The following BABAM2 variants were observed in gnomAD, a reference collection of about 807,000 sequenced individuals.
The protein encoded by BABAM2 is BRISC and BRCA1-A complex member 2.
BABAM2 carries 31 observed loss-of-function variants against 54.7 expected under a neutral mutation model. The ratio of observed to expected loss-of-function variants is 0.57; its 90% CI spans 0.43 to 0.77. BABAM2 has a LOEUF of 0.77. Ranked by LOEUF, BABAM2 falls within the 30% of genes least tolerant of loss-of-function variation. The probability of loss-of-function intolerance (pLI) is 0.00; values close to 1 mark genes in which losing one functional copy is unlikely to be tolerated. For synonymous variants in BABAM2, 167 were observed against 162.9 expected, an observed-to-expected ratio of 1.03 and a Z score of -0.19; for missense variants, 364 against 455.8, an observed-to-expected ratio of 0.80 and a Z score of 1.83.
At chr2:27,983,832 A>G (rs1672189330) in intron 3 of BABAM2, among the ~76,000 whole-genome samples, 1 of 148,750 alleles carries the variant, frequency 6.7e-6, no homozygotes, top group South Asian at 2.1e-4. Flanking sequence ...GAAGCTGTTT[A>G]TTAGTTCTCA....
chr2:27,910,468 A>G (rs1666502270), intron 2 of BABAM2, among the ~76,000 whole-genome samples: 1 of 152,226 alleles, frequency 6.6e-6, no homozygotes, highest in Admixed American at 6.5e-5. Context: ...ATAAGTAAGT[A>G]TATAATGCAT....
chr2:28,026,235 T>C (rs1379928345), intron 5 of BABAM2, among the ~76,000 whole-genome samples: 6 of 152,202 alleles, frequency 3.9e-5, no homozygotes, highest in African/African-American at 1.4e-4. Context: ...TTACTGGATA[T>C]ATACCCAAAG....
upstream of BABAM2, chr2:27,890,168 A>AC (rs1664697072): frequency 4.0e-6 from 5 of 1,236,174 alleles, no homozygotes; most frequent in Admixed American, 3.7e-5. The surrounding 1 kb of genome is among the most constrained non-coding windows in gnomAD (Gnocchi z 4.8). Flanking sequence ...ATCCCTGGAG[A>AC]CCCAGCGCCC....
At chr2:28,259,041 C>T (rs1256366219) in intron 10 of BABAM2, among the ~76,000 whole-genome samples, 4 of 119,560 alleles carry the variant, frequency 3.3e-5, no homozygotes, top group African/African-American at 9.8e-5. Flanking sequence ...TCCCAAAGTG[C>T]TAGGATTACA....
At chr2:27,943,117 G>A (rs1391365045) in intron 3 of BABAM2, among the ~76,000 whole-genome samples, 3 of 152,152 alleles carry the variant, frequency 2.0e-5, no homozygotes, top group Non-Finnish European at 2.9e-5. Context: ...AACCTTGGCC[G>A]CTAGGTCCAA....
chr2:28,086,233 G>A (rs1665626544), intron 6 of BABAM2, among the ~76,000 whole-genome samples: 1 of 152,148 alleles, frequency 6.6e-6, no homozygotes, highest in African/African-American at 2.4e-5. Flanking sequence ...ATGCTGATTT[G>A]TATATGACCC....
At chr2:27,948,094 A>G (rs904683679) in intron 3 of BABAM2, among the ~76,000 whole-genome samples, 2 of 152,004 alleles carry the variant, frequency 1.3e-5, no homozygotes, top group African/African-American at 4.8e-5. Flanking sequence ...ATTTCTCTAT[A>G]AAATTTGGAA....
chr2:28,239,361 G>C (rs1020171134), intron 8 of BABAM2, among the ~76,000 whole-genome samples: 1 of 152,172 alleles, frequency 6.6e-6, no homozygotes, highest in Non-Finnish European at 1.5e-5. Context: ...TGTGGCTATA[G>C]CCAATATAAA....
intron 7 of BABAM2, among the ~76,000 whole-genome samples, chr2:28,210,672 G>T (rs535039136): frequency 6.6e-6 from 1 of 152,284 alleles, no homozygotes; most frequent in Non-Finnish European, 1.5e-5. Flanking sequence ...AAGGAAAAGC[G>T]AGGGCAAACA....
chr2:28,077,356 C>T (rs1664780261), intron 6 of BABAM2, among the ~76,000 whole-genome samples: 1 of 152,080 alleles, frequency 6.6e-6, no homozygotes, highest in African/African-American at 2.4e-5. Context: ...TTTATGGAGT[C>T]TGTAAGCTGC....
chr2:28,294,635 CA>C (rs1449093863), intron 10 of BABAM2, among the ~76,000 whole-genome samples: 1 of 152,084 alleles, frequency 6.6e-6, no homozygotes, highest in African/African-American at 2.4e-5. Flanking sequence ...TTGTACCATT[CA>C]AATCATTCTT....
At chr2:28,295,826 G>A (rs980532931) in intron 10 of BABAM2, among the ~76,000 whole-genome samples, 5 of 151,868 alleles carry the variant, frequency 3.3e-5, no homozygotes, top group Non-Finnish European at 7.4e-5. Context: ...AAATTAATCA[G>A]AAGAGGCGCG....
intron 10 of BABAM2, among the ~76,000 whole-genome samples, chr2:28,282,217 A>G (rs1686421176): frequency 6.6e-6 from 1 of 152,252 alleles, no homozygotes; most frequent in Non-Finnish European, 1.5e-5. Flanking sequence ...CCCAACCAAA[A>G]GGAAGAAAAC....
At chr2:28,219,772 T>A (rs1680229716) in intron 7 of BABAM2, among the ~76,000 whole-genome samples, 1 of 152,144 alleles carries the variant, frequency 6.6e-6, no homozygotes, top group Admixed American at 6.5e-5. Flanking sequence ...GAAGAGATGA[T>A]GTTGTCGTAA....
intron 3 of BABAM2, among the ~76,000 whole-genome samples, chr2:27,959,199 A>C (rs956519083): frequency 3.9e-5 from 6 of 152,232 alleles, no homozygotes; most frequent in Non-Finnish European, 5.9e-5. Flanking sequence ...CATGCGAGTC[A>C]ATGTATTGTT....
intron 7 of BABAM2, among the ~76,000 whole-genome samples, chr2:28,184,316 G>GTC (rs1230980318): frequency 1.8e-5 from 2 of 111,874 alleles, no homozygotes; most frequent in East Asian, 2.8e-4. Context: ...CTCTCTCTCT[G>GTC]TCTCTCTCTC....
chr2:28,169,541 C>G (rs1233949534), intron 7 of BABAM2, among the ~76,000 whole-genome samples: 2 of 151,996 alleles, frequency 1.3e-5, no homozygotes, highest in African/African-American at 4.8e-5. Context: ...CTTTGGGCAG[C>G]CAAGCTGGGA....
At chr2:28,035,032 C>A (rs1262307105) in intron 5 of BABAM2, among the ~76,000 whole-genome samples, 1 of 151,972 alleles carries the variant, frequency 6.6e-6, no homozygotes, top group Non-Finnish European at 1.5e-5. Context: ...GAGATGTGTG[C>A]ACGTGGGAAA....
chr2:28,268,117 A>C (rs1489464679), intron 10 of BABAM2, among the ~76,000 whole-genome samples: 1 of 152,226 alleles, frequency 6.6e-6, no homozygotes, highest in Non-Finnish European at 1.5e-5. Flanking sequence ...GCAAAACCAG[A>C]CAATCTGTCC....
Sources: allele counts gnomAD v4.1 joint callset (sites outside exome capture counted in the v4.1 genomes callset), GRCh38; gene constraint gnomAD v4.1.1; non-coding constraint Gnocchi (gnomAD v3.1); transcripts MANE v1.5; gene names NCBI Gene and HGNC (gene_info 2026-07-23, HGNC 2026-07-21).